TDRKH: variants seen among roughly 807,000 people sequenced by gnomAD.
TDRKH encodes tudor and KH domain-containing protein.
A neutral mutation model predicts 61.3 loss-of-function variants in TDRKH; 28 were observed. That is an observed-to-expected ratio of 0.46 (90% CI 0.34 to 0.63). TDRKH has a LOEUF of 0.63. TDRKH is among the 20% of genes least tolerant of loss of function. TDRKH has a pLI of 0.01. For synonymous variants in TDRKH, 219 were observed against 244.4 expected (o/e 0.90, Z 0.97); for missense variants, 540 against 683.4 (o/e 0.79, Z 2.34).
intron 2 of TDRKH, among the ~76,000 whole-genome samples, chr1:151,782,560 C>T (rs113424034): frequency 0.039 from 5,948 of 152,194 alleles, 650 homozygotes; most frequent in East Asian, 0.36. Context: ...CTTTGGGAGG[C>T]CGAGGCAGGT....
intron 1 of TDRKH, among the ~76,000 whole-genome samples, chr1:151,786,063 A>T (rs2101621277): frequency 6.6e-6 from 1 of 152,360 alleles, no homozygotes; most frequent in East Asian, 1.9e-4. Context: ...AAAACTGGCT[A>T]TATCCTGGTA....
At chr1:151,769,363 C>T, downstream of TDRKH, 1 of 34,126 alleles carries the variant, frequency 2.9e-5, no homozygotes, top group South Asian at 9.1e-4. Flanking sequence ...GGGGCAGCTG[C>T]CGGGCGGAGA....
chr1:151,768,520 G>A (rs1267936434), downstream of TDRKH, among the ~76,000 whole-genome samples: 1 of 152,194 alleles, frequency 6.6e-6, no homozygotes, highest in Non-Finnish European at 1.5e-5. Flanking sequence ...ATCCAGTGAT[G>A]TGCAATCTCT....
intron 10 of TDRKH, 64 bp downstream of exon 10, chr1:151,775,326 GAA>G: frequency 6.4e-7 from 1 of 1,566,768 alleles, no homozygotes; most frequent in Non-Finnish European, 8.6e-7. Flanking sequence ...TTCTGAGGAA[GAA>G]AAAGTAAATT....
downstream of TDRKH, chr1:151,767,053 G>A: frequency 1.3e-6 from 2 of 1,491,970 alleles, no homozygotes; most frequent in Non-Finnish European, 1.8e-6. Context: ...CAGGAACATA[G>A]AAACAGGCTG....
downstream of TDRKH, chr1:151,767,146 G>C: frequency 6.2e-7 from 1 of 1,613,360 alleles, no homozygotes; most frequent in Non-Finnish European, 8.5e-7. Context: ...ACTAATTTGG[G>C]TCTCTTTCCC....
Position 151,774,753 on chromosome 1 carries a change from G to C in TDRKH, c.1590C>G (p.Ser530Arg). 1.9e-6 allele frequency: 3 copies of C among 1,614,184 alleles called. No homozygotes were observed. Among genetic ancestry groups the C allele is most frequent in the East Asian group, 2.2e-5 (1 of 44,888 alleles). The part of the protein sequence containing the change: ...LSTLLTETKK[S>R]SGEITHTLSC... Reference sequence around the variant, plus strand: ...ACAGGGTATGTGTTATCTCTCCAGAGCTCTTTTTGGTCTCAGTGAGCAACG... The same window carrying C: ...ACAGGGTATGTGTTATCTCTCCAGACCTCTTTTTGGTCTCAGTGAGCAACG... The change falls in exon 12 of 13, where the codon AGC (serine) becomes AGG (arginine). Residue 530 changes from serine (S) to arginine (R), a missense_variant. Physicochemically the swap from Ser to Arg is moderately radical, Grantham distance 110. Transcript: ENST00000368824.
chr1:151,767,904 T>G, downstream of TDRKH: 1 of 960,260 alleles, frequency 1.0e-6, no homozygotes, highest in Non-Finnish European at 1.5e-6. Context: ...GGCTATTAGT[T>G]CCTGGGACTA....
chr1:151,770,178 T>A (rs1648616422), downstream of TDRKH: 1 of 1,613,704 alleles, frequency 6.2e-7, no homozygotes, highest in South Asian at 1.1e-5. Context: ...CTAGTTTGAC[T>A]GCAACCCTGG....
chr1:151,781,723 A>G, intron 2 of TDRKH, 136 bp from the exon 3 acceptor site: 1 of 708,490 alleles, frequency 1.4e-6, no homozygotes, highest in South Asian at 1.9e-5. Flanking sequence ...CATAACAACA[A>G]GGAAAAGTGG....
rs1255017290 is a variant in TDRKH, at chr1:151,776,252, A to G, written c.1061T>C (p.Val354Ala). Residue 354 changes from valine to alanine, a missense_variant, in exon 8 of 13, where the codon GTG (valine) becomes GCG (alanine). This residue lies in a region of TDRKH where 379 missense variants were observed against 443.8 expected (regional missense o/e 0.85). Coordinates refer to ENST00000368824, the MANE Select transcript of TDRKH (RefSeq NM_001083965.2). ...TGCTGCTACAATGTCTCCTACATGC[A>G]CAGTCAAGTCTTCAGGCTGTATGTG... is the stretch of plus-strand genomic sequence containing the variant. ...YENSVPEDLT[V>A]HVGDIVAAPL... 2 of 1,614,000 alleles carry G rather than the reference A, an allele frequency of 1.2e-6. No homozygotes were observed. The highest frequency in any genetic ancestry group is 1.7e-6 in the Non-Finnish European group (2 of 1,179,902).
At chr1:151,775,957 A>C in intron 8 of TDRKH, 73 bp from the exon 9 acceptor site, 1 of 1,585,662 alleles carries the variant, frequency 6.3e-7, no homozygotes, top group Non-Finnish European at 8.6e-7. Flanking sequence ...TTCAGAAAGA[A>C]CCAACTAACA....
chr1:151,786,988 T>G (rs1327965072), intron 1 of TDRKH, among the ~76,000 whole-genome samples: 2 of 152,240 alleles, frequency 1.3e-5, no homozygotes, highest in Non-Finnish European at 2.9e-5. Context: ...TAAGCTTCTC[T>G]TTTTTTAAAT....
At chr1:151,770,394 C>G, downstream of TDRKH, 23 of 1,268,468 alleles carry the variant, frequency 1.8e-5, no homozygotes, top group East Asian at 2.6e-5. Context: ...TCCCACCTAC[C>G]ACGAAGGTGG....
chr1:151,770,723 T>C (rs1571973905), downstream of TDRKH, among the ~76,000 whole-genome samples: 1 of 152,244 alleles, frequency 6.6e-6, no homozygotes, highest in East Asian at 1.9e-4. Context: ...TGATAGATAC[T>C]ATTTCAGAGC....
At chr1:151,772,347 C>T (rs894393562), downstream of TDRKH, among the ~76,000 whole-genome samples, 1 of 152,088 alleles carries the variant, frequency 6.6e-6, no homozygotes, top group African/African-American at 2.4e-5. Context: ...CCGCCTCGGC[C>T]TCCCAAAGTG....
chr1:151,783,148 C>T, intron 1 of TDRKH, 99 bp from the exon 2 acceptor site: 1 of 1,072,544 alleles, frequency 9.3e-7, no homozygotes, highest in Non-Finnish European at 1.3e-6. Context: ...AAGACTACTA[C>T]TGCCTACCTT....
chr1:151,766,620 AT>A (rs1648366558), downstream of TDRKH: 11 of 1,388,372 alleles, frequency 7.9e-6, no homozygotes, highest in South Asian at 1.3e-4. Flanking sequence ...CCCCTTATCC[AT>A]GTCATAGTGC....
At chr1:151,767,078 CAGA>C (rs1648390381), downstream of TDRKH, 6 of 1,541,334 alleles carry the variant, frequency 3.9e-6, no homozygotes, top group East Asian at 2.3e-5. Flanking sequence ...ACAGAAAATA[CAGA>C]AGATCATGCC....
Sources: allele counts gnomAD v4.1 joint callset (sites outside exome capture counted in the v4.1 genomes callset), GRCh38; gene constraint gnomAD v4.1.1; regional missense constraint gnomAD v4.1.1; transcripts MANE v1.5; gene names NCBI Gene and HGNC (gene_info 2026-07-23, HGNC 2026-07-21).